SBNO1: variants seen among roughly 807,000 people sequenced by gnomAD.
The protein encoded by SBNO1 is strawberry notch homolog 1.
Under a neutral mutation model 173.6 loss-of-function variants are expected in SBNO1, and 23 were observed. The observed-to-expected ratio is 0.13, with a 90% CI of 0.10 to 0.19. The LOEUF (loss-of-function observed/expected upper bound fraction) is 0.19, where lower values mean the gene tolerates loss of function less well. SBNO1 is among the 10% of genes least tolerant of loss of function. The probability of loss-of-function intolerance (pLI) is 1.00; values close to 1 mark genes in which losing one functional copy is unlikely to be tolerated. For missense variants in SBNO1, 1,238 were observed against 1,671.2 expected, an observed-to-expected ratio of 0.74 and a Z score of 4.52; for synonymous variants, 632 against 571.5, an observed-to-expected ratio of 1.11 and a Z score of -1.51.
At chr12:123,307,063 C>T (rs73421390) in intron 28 of SBNO1, among the ~76,000 whole-genome samples, 107 of 138,502 alleles carry the variant, frequency 7.7e-4, no homozygotes, top group African/African-American at 2.7e-3. Flanking sequence ...GTGGAGTGTA[C>T]CTGTGGTCCC....
At chr12:123,325,747 T>C (rs989164364) in intron 14 of SBNO1, 148 bp from the exon 15 acceptor site, 3 of 663,998 alleles carry the variant, frequency 4.5e-6, no homozygotes, top group African/African-American at 3.6e-5. Flanking sequence ...TTATTTCTTC[T>C]ACATATTTGA....
intron 16 of SBNO1, among the ~76,000 whole-genome samples, chr12:123,323,469 C>G (rs1415688657): frequency 6.6e-6 from 1 of 152,146 alleles, no homozygotes; most frequent in African/African-American, 2.4e-5. Flanking sequence ...ATTCTCCTGC[C>G]TCAGCCTCCC....
chr12:123,300,970 C>CA (rs1463966752), intron 30 of SBNO1, among the ~76,000 whole-genome samples: 191 of 124,434 alleles, frequency 1.5e-3, no homozygotes, highest in South Asian at 3.8e-3. Context: ...AAAAAAAAAA[C>CA]AAAAAAAAAC....
intron 9 of SBNO1, 25 bp downstream of exon 9, chr12:123,330,394 C>T (rs1220669393): frequency 1.2e-5 from 16 of 1,287,022 alleles, no homozygotes; most frequent in Admixed American, 3.5e-5. Flanking sequence ...TATTGAATGA[C>T]CAACTGAATA....
In SBNO1 at chr12:123,323,939, G is replaced by T. The variant is rs545336002; in HGVS notation, c.1974-108C>A. On this transcript the variant is annotated intron_variant, in intron 15 of 31. Coordinates refer to ENST00000602398, the MANE Select transcript of SBNO1 (RefSeq NM_001167856.3). ...ACTTTGTTCAGTTTTACAAAATACT[G>T]ATAAACGAGCTCAAATAAATTTTAA... is the stretch of plus-strand genomic sequence containing the variant. 2.1e-5 allele frequency: 17 copies of T among 807,512 alleles called. No homozygotes were observed. The East Asian group carries it at 5.5e-4, about 26-fold the overall frequency. 50.0% of individuals were successfully genotyped at this position (807,512 alleles called of 1,614,324 possible). A position where few individuals can be genotyped will look rare whatever the true frequency, so the allele number is the denominator to read the frequency against.
At chr12:123,334,252 T>C (rs756044290) in intron 6 of SBNO1, 39 bp from the exon 7 acceptor site, 3 of 1,188,942 alleles carry the variant, frequency 2.5e-6, no homozygotes, top group Non-Finnish European at 2.4e-6. Context: ...TTAATTATTC[T>C]AAGTAATAAC....
intron 5 of SBNO1, among the ~76,000 whole-genome samples, chr12:123,338,481 G>A (rs1393897680): frequency 1.3e-5 from 2 of 152,080 alleles, no homozygotes; most frequent in African/African-American, 4.8e-5. Context: ...AGGAGTTCAA[G>A]ACCAGCCTGG....
chr12:123,359,550 G>A (rs11057289), intron 1 of SBNO1, among the ~76,000 whole-genome samples: 3,997 of 44,260 alleles, frequency 0.09, 86 homozygotes, highest in South Asian at 0.2. Context: ...GGGAGACTCC[G>A]TCTCAAAAAA....
chr12:123,330,963 C>T (rs889687975), intron 8 of SBNO1, among the ~76,000 whole-genome samples: 2 of 152,056 alleles, frequency 1.3e-5, no homozygotes, highest in Non-Finnish European at 2.9e-5. Flanking sequence ...AAAGTAATTA[C>T]TAACAAAACC....
intron 1 of SBNO1, chr12:123,364,126 A>T: frequency 1.0e-6 from 1 of 985,550 alleles, no homozygotes; most frequent in Non-Finnish European, 1.2e-6. Context: ...GGGAGCCTGC[A>T]CGTGTCCCCC....
chr12:123,345,298 C>T lies in SBNO1; in HGVS notation c.510G>A (p.Lys170=). The change falls in exon 4 of 32, where the codon AAG becomes AAA. Residue 170 remains lysine, a synonymous_variant. Transcript: ENST00000602398. ...CTGGCTGAGCAATATTAGCAGGTGG[C>T]TTTAGTTTCATCAGTTCATTAAGAC... ...NNSLNELMKL[K]PPANIAQPVA... The T allele has an allele frequency of 1.4e-5, 23 of 1,614,114 alleles. No individual in the cohort carries two copies. Among genetic ancestry groups the T allele is most frequent in the Non-Finnish European group, 1.8e-5 (21 of 1,179,994 alleles).
At chr12:123,348,971 ATTT>A (rs1190787108) in intron 2 of SBNO1, 1 of 137,208 alleles carries the variant, frequency 7.3e-6, no homozygotes, top group African/African-American at 3.1e-5. Context: ...AGAAAAAAAA[ATTT>A]TTTTTAGTCT....
At chr12:123,334,271 T>C (rs1446059179) in intron 6 of SBNO1, 58 bp from the exon 7 acceptor site, 6 of 1,004,892 alleles carry the variant, frequency 6.0e-6, no homozygotes, top group Non-Finnish European at 8.7e-6. Context: ...ACATTTCCAG[T>C]TTCATTATAA....
chr12:123,289,627 A>G lies in SBNO1; in HGVS notation c.*6281T>C, dbSNP rs1593307571. 1.3e-5 allele frequency: 2 copies of G among 152,356 alleles called. No individual in the cohort carries two copies. Among genetic ancestry groups the G allele is most frequent in the Non-Finnish European group, 2.9e-5 (2 of 68,036 alleles). 9.4% of individuals were successfully genotyped at this position (152,356 alleles called of 1,614,324 possible). On this transcript the variant is annotated 3_prime_UTR_variant, in exon 32 of 32. Coordinates refer to ENST00000602398, the MANE Select transcript of SBNO1 (RefSeq NM_001167856.3). ...TGCTCAGAGGAGGTAGAACCTGGCC[A>G]AAGTTTTATTGCAGAGATACAGTGT...
chr12:123,362,295 G>C (rs943787852), intron 1 of SBNO1, among the ~76,000 whole-genome samples: 5 of 151,800 alleles, frequency 3.3e-5, no homozygotes, highest in African/African-American at 9.7e-5. Flanking sequence ...AATTAGCCGG[G>C]CGTGGCAGCG....
Position 123,298,029 on chromosome 12 carries a change from C to A in SBNO1, c.3988G>T (p.Val1330Leu). The A allele has an allele frequency of 6.2e-7, 1 of 1,614,106 alleles. No homozygotes were observed. The highest frequency in any genetic ancestry group is 8.5e-7 in the Non-Finnish European group (1 of 1,179,994). ...GVLASVSGTN[V>L]KMQIVRLRTE... Reference sequence around the variant, plus strand: ...CTTAGCCGCACGATCTGCATCTTCACGTTTGTGCCACTGACAGATGCTAGA... The same window carrying A: ...CTTAGCCGCACGATCTGCATCTTCAAGTTTGTGCCACTGACAGATGCTAGA... The change falls in exon 31 of 32, where the codon GTG becomes TTG. Residue 1330 changes from valine (V) to leucine (L), a missense_variant. Transcript: ENST00000602398.
chr12:123,341,148 T>G, intron 4 of SBNO1, 60 bp from the exon 5 acceptor site: 1 of 1,064,552 alleles, frequency 9.4e-7, no homozygotes. Flanking sequence ...TTTCCCATTA[T>G]TTAAAAATCC....
At chr12:123,305,997 C>T (rs1266454744) in intron 28 of SBNO1, among the ~76,000 whole-genome samples, 2 of 152,056 alleles carry the variant, frequency 1.3e-5, no homozygotes, top group South Asian at 2.1e-4. Flanking sequence ...TCATTGTTTG[C>T]GGGGCTATTA....
At chr12:123,352,369 T>C (rs543519127) in intron 1 of SBNO1, among the ~76,000 whole-genome samples, 9 of 152,296 alleles carry the variant, frequency 5.9e-5, no homozygotes, top group South Asian at 4.1e-4. Flanking sequence ...TGGAGTACAA[T>C]GGCGCGGTCT....
Sources: allele counts gnomAD v4.1 joint callset (sites outside exome capture counted in the v4.1 genomes callset), GRCh38; gene constraint gnomAD v4.1.1; transcripts MANE v1.5; gene names NCBI Gene and HGNC (gene_info 2026-07-23, HGNC 2026-07-21).